LRP1B: variants seen among roughly 807,000 people sequenced by gnomAD.
LRP1B encodes the protein low-density lipoprotein receptor-related protein 1B.
A neutral mutation model predicts 556.6 loss-of-function variants in LRP1B; 217 were observed. That is an observed-to-expected ratio of 0.39 (90% confidence interval 0.35 to 0.44). The LOEUF (loss-of-function observed/expected upper bound fraction) is 0.44. Among genes scored for constraint, LRP1B ranks in the 20% least tolerant of loss-of-function variants. The pLI, the probability that LRP1B is intolerant of heterozygous loss-of-function variation, is 1.00. For synonymous variants in LRP1B, 2,047 were observed against 1,865.8 expected (o/e 1.10, Z -2.50); for missense variants, 5,053 against 5,620.8 (o/e 0.90, Z 3.23).
chr2:141,270,303 C>T (rs1685041149), intron 3 of LRP1B, among the ~76,000 whole-genome samples: 1 of 152,018 alleles, frequency 6.6e-6, no homozygotes, highest in Non-Finnish European at 1.5e-5. Context: ...GGAAAATAAC[C>T]AGTTTTGGTG....
chr2:140,562,549 A>G (rs953872509), intron 43 of LRP1B, among the ~76,000 whole-genome samples: 6 of 152,120 alleles, frequency 3.9e-5, no homozygotes, highest in Non-Finnish European at 7.3e-5. Flanking sequence ...TGAGATTAAT[A>G]ATAATTTTCT....
At chr2:141,489,605 A>G (rs907817906) in intron 2 of LRP1B, among the ~76,000 whole-genome samples, 9 of 152,120 alleles carry the variant, frequency 5.9e-5, no homozygotes, top group African/African-American at 1.7e-4. Flanking sequence ...GAATCACATA[A>G]TATCTTTACA....
chr2:141,130,362 AT>A (rs1701319030), intron 7 of LRP1B, among the ~76,000 whole-genome samples: 1 of 152,140 alleles, frequency 6.6e-6, no homozygotes, highest in African/African-American at 2.4e-5. Flanking sequence ...AAAAAGACAA[AT>A]TAAAATTATA....
rs1195083239 is a variant in LRP1B, at chr2:140,263,556, A to G, written c.13247+6686T>C. ...CTCTCACTGTTTACTATCAGCAGCA[A>G]GGAGAAACCAGGCCATGACTTCAAC... is the stretch of plus-strand genomic sequence containing the variant. On this transcript the variant is annotated intron_variant, in intron 86 of 90. Coordinates refer to ENST00000389484, the MANE Select transcript of LRP1B (RefSeq NM_018557.3). 2.6e-5 allele frequency among the ~76,000 whole-genome samples: 4 copies of G among 152,142 alleles called. No homozygotes were observed. The South Asian group carries it at 6.2e-4, about 24-fold the overall frequency.
At chr2:140,847,726 C>T (rs1482906184) in intron 29 of LRP1B, among the ~76,000 whole-genome samples, 1 of 150,066 alleles carries the variant, frequency 6.7e-6, no homozygotes, top group African/African-American at 2.5e-5. Context: ...AAGATAGCAC[C>T]ACTGCACTCC....
chr2:140,243,309 G>A (rs1681028270), intron 87 of LRP1B, among the ~76,000 whole-genome samples: 1 of 150,784 alleles, frequency 6.6e-6, no homozygotes, highest in Admixed American at 6.6e-5. Context: ...GTGATAAACA[G>A]GTAAATTAAT....
At chr2:141,576,010 C>T (rs1686728473) in intron 2 of LRP1B, among the ~76,000 whole-genome samples, 1 of 152,118 alleles carries the variant, frequency 6.6e-6, no homozygotes. Flanking sequence ...ATTCGTTCAA[C>T]CATTGTGGAA....
intron 77 of LRP1B, among the ~76,000 whole-genome samples, chr2:140,336,750 TAGC>T (rs1460195865): frequency 2.0e-5 from 3 of 151,966 alleles, no homozygotes; most frequent in Non-Finnish European, 4.4e-5. Context: ...GAGACAAAGG[TAGC>T]AGAATTCATT....
chr2:141,104,456 T>G (rs756902475), intron 7 of LRP1B, among the ~76,000 whole-genome samples: 5 of 152,096 alleles, frequency 3.3e-5, no homozygotes, highest in Non-Finnish European at 7.4e-5. Context: ...ATGACCTAGC[T>G]CTGTCATTTT....
rs1432820632 is a variant in LRP1B, at chr2:141,853,299, A to G, written c.83-42898T>C. On this transcript the variant is annotated intron_variant, in intron 1 of 90. Transcript: ENST00000389484. ...ACAACCTGTTCTTAAAAAGCTGCCCACCATCACCATTTAAGTTATAACGGT... is the reference window on the plus strand; with the variant it reads ...ACAACCTGTTCTTAAAAAGCTGCCCGCCATCACCATTTAAGTTATAACGGT... 2.6e-5 allele frequency among the ~76,000 whole-genome samples: 4 copies of G among 151,564 alleles called. No individual in the cohort carries two copies. In the East Asian group the frequency reaches 5.8e-4, roughly 22 times the overall value.
chr2:140,247,233 A>G, intron 86 of LRP1B, 71 bp from the exon 87 acceptor site: 1 of 1,033,206 alleles, frequency 9.7e-7, no homozygotes. Context: ...TAATGTAGTA[A>G]CTTTAACCAA....
rs1705123181 is a variant in LRP1B at position 142,066,719 on chromosome 2, C to G, written c.82+63929G>C. 2.6e-5 allele frequency among the ~76,000 whole-genome samples: 4 copies of G among 151,406 alleles called. No homozygotes were observed. The Admixed American group carries it at 2.6e-4, about 10-fold the overall frequency. On this transcript the variant is annotated intron_variant, in intron 1 of 90. Transcript: ENST00000389484. ...ACAATCTAGTATTTTTTATCATGCT[C>G]TTCAAAAGTTTTCCAGCCTCTGTTT...
At chr2:141,004,793 A>G (rs1697521629) in intron 15 of LRP1B, among the ~76,000 whole-genome samples, 1 of 152,116 alleles carries the variant, frequency 6.6e-6, no homozygotes, top group Non-Finnish European at 1.5e-5. Flanking sequence ...TTCAAAAGTC[A>G]TAACAGAATA....
At chr2:141,870,610 GCTTGCATTTA>G (rs1698552158) in intron 1 of LRP1B, among the ~76,000 whole-genome samples, 2 of 151,786 alleles carry the variant, frequency 1.3e-5, no homozygotes, top group Admixed American at 6.6e-5. Flanking sequence ...ATTCACTCTT[GCTTGCATTTA>G]CATTTTCCCT....
chr2:141,277,074 A>T (rs1685327867), intron 3 of LRP1B, among the ~76,000 whole-genome samples: 1 of 152,190 alleles, frequency 6.6e-6, no homozygotes, highest in Non-Finnish European at 1.5e-5. Context: ...TGTCTTTGCT[A>T]TTATGAATAG....
At chr2:140,888,140 T>G (rs76673912) in intron 23 of LRP1B, among the ~76,000 whole-genome samples, 4,779 of 152,230 alleles carry the variant, frequency 0.031, 237 homozygotes, top group African/African-American at 0.11. Flanking sequence ...CCAGGTTCCA[T>G]ATATCATTAA....
intron 47 of LRP1B, 133 bp from the exon 48 acceptor site, chr2:140,526,483 A>T (rs1690440065): frequency 1.4e-5 from 8 of 592,520 alleles, no homozygotes; most frequent in Non-Finnish European, 2.1e-5. Context: ...GCCAAACTTG[A>T]CCCCTGAACC....
At chr2:140,305,979 A>G (rs1433194143) in intron 83 of LRP1B, among the ~76,000 whole-genome samples, 1 of 150,822 alleles carries the variant, frequency 6.6e-6, no homozygotes, top group East Asian at 1.9e-4. Context: ...ATGTTAAACC[A>G]GCCTTGCATC....
intron 3 of LRP1B, among the ~76,000 whole-genome samples, chr2:141,410,313 C>T (rs1234120153): frequency 6.6e-6 from 1 of 151,884 alleles, no homozygotes; most frequent in Non-Finnish European, 1.5e-5. Flanking sequence ...CCTTGTAACA[C>T]TAATAAAAGA....
Sources: allele counts gnomAD v4.1 joint callset (sites outside exome capture counted in the v4.1 genomes callset), GRCh38; gene constraint gnomAD v4.1.1; transcripts MANE v1.5; gene names NCBI Gene and HGNC (gene_info 2026-07-23, HGNC 2026-07-21).